The following ZNF44 variants were observed in gnomAD, a reference collection of about 807,000 sequenced individuals.
ZNF44 encodes the protein gonadotropin inducible transcription repressor-2.
In ZNF44, 9 loss-of-function variants were observed where a neutral mutation model predicts 11.7. The ratio of observed to expected loss-of-function variants is 0.77; its 90% confidence interval spans 0.46 to 1.35. The LOEUF (loss-of-function observed/expected upper bound fraction) is 1.35. Among genes scored for constraint, ZNF44 ranks in the 40% most tolerant of loss-of-function variants. The pLI is 0.00. For missense variants in ZNF44, 696 were observed against 743.1 expected (o/e 0.94, Z 0.74); for synonymous variants, 224 against 242.7 (o/e 0.92, Z 0.72).
chr19:12,287,415 C>T (rs555890950), intron 1 of ZNF44, among the ~76,000 whole-genome samples: 4 of 152,002 alleles, frequency 2.6e-5, no homozygotes, highest in Non-Finnish European at 5.9e-5. Context: ...GGGGTTTCAC[C>T]GCATTAGCCA....
At chr19:12,290,926 A>C (rs1325984205) in intron 1 of ZNF44, 1 of 182,616 alleles carries the variant, frequency 5.5e-6, no homozygotes, top group Middle Eastern at 2.3e-3. Context: ...TTACCCTTTC[A>C]TGCCTTACGT....
upstream of ZNF44, among the ~76,000 whole-genome samples, chr19:12,238,698 A>C (rs1415579507): frequency 6.6e-6 from 1 of 151,544 alleles, no homozygotes; most frequent in African/African-American, 2.4e-5. Flanking sequence ...CAGGAGGTCG[A>C]GGCAGGACAA....
At chr19:12,270,356 G>GT (rs1027988863), downstream of ZNF44, among the ~76,000 whole-genome samples, 1 of 151,972 alleles carries the variant, frequency 6.6e-6, no homozygotes, top group Non-Finnish European at 1.5e-5. Flanking sequence ...ATGAAAAAGT[G>GT]TAAGTGATGT....
chr19:12,227,734 C>G (rs780692122), intron 3 of ZNF44, among the ~76,000 whole-genome samples: 3 of 152,212 alleles, frequency 2.0e-5, no homozygotes, highest in Admixed American at 1.3e-4. Flanking sequence ...TAAGATATGT[C>G]AGAATTATAG....
intron 2 of ZNF44, chr19:12,230,651 T>G (rs1048945836): frequency 2.0e-5 from 3 of 152,206 alleles, no homozygotes; most frequent in Non-Finnish European, 4.4e-5. Flanking sequence ...GCTTCCTGGG[T>G]TGCAGGAGAG....
intron 2 of ZNF44, 136 bp downstream of exon 2, chr19:12,275,820 G>A (rs1404268517): frequency 8.8e-7 from 1 of 1,133,500 alleles, no homozygotes; most frequent in African/African-American, 1.6e-5. Flanking sequence ...ACAACAGGTT[G>A]GGGCCTGGCA....
chr19:12,240,139 A>G (rs943825663), upstream of ZNF44, among the ~76,000 whole-genome samples: 3 of 152,096 alleles, frequency 2.0e-5, no homozygotes, highest in African/African-American at 7.2e-5. Flanking sequence ...ACCCCTATCA[A>G]AATCCTTATG....
intron 3 of ZNF44, among the ~76,000 whole-genome samples, chr19:12,228,322 A>G (rs574114112): frequency 5.3e-5 from 8 of 152,278 alleles, no homozygotes; most frequent in Admixed American, 2.6e-4. Context: ...AGTAAAGTTT[A>G]CTTTTGTTGA....
chr19:12,242,776 G>C (rs75653778), downstream of ZNF44: 6,920 of 151,862 alleles, frequency 0.046, 266 homozygotes, highest in Admixed American at 0.12. Flanking sequence ...CATTTGCTTG[G>C]GAGGCAGCAG....
chr19:12,241,417 C>T (rs1417817051), upstream of ZNF44, among the ~76,000 whole-genome samples: 1 of 152,158 alleles, frequency 6.6e-6, no homozygotes, highest in African/African-American at 2.4e-5. Context: ...AGGCCAGGCA[C>T]GGTGGCTCAC....
At chr19:12,280,136 T>C (rs982362310) in intron 1 of ZNF44, among the ~76,000 whole-genome samples, 2 of 152,078 alleles carry the variant, frequency 1.3e-5, no homozygotes, top group Non-Finnish European at 2.9e-5. Context: ...GGACAATTGC[T>C]TGAACCCAGG....
At chr19:12,284,008 G>A (rs568081326) in intron 1 of ZNF44, among the ~76,000 whole-genome samples, 1 of 152,096 alleles carries the variant, frequency 6.6e-6, no homozygotes, top group Non-Finnish European at 1.5e-5. Flanking sequence ...AATTTAGGAA[G>A]AGTTCATCTA....
At chr19:12,240,238 G>A (rs955354914), upstream of ZNF44, among the ~76,000 whole-genome samples, 1 of 151,916 alleles carries the variant, frequency 6.6e-6, no homozygotes, top group African/African-American at 2.4e-5. Context: ...GAGGTCAAGA[G>A]TTCAAGACCA....
chr19:12,244,491 A>G (rs1274595015), downstream of ZNF44: 1 of 152,566 alleles, frequency 6.6e-6, no homozygotes, highest in African/African-American at 2.4e-5. Context: ...ATTATACCAC[A>G]GGAAATACTT....
In ZNF44 at chr19:12,273,797, C is replaced by T. The variant is rs372299239; in HGVS notation, c.458G>A (p.Arg153His). The change falls in exon 4 of 4, where the codon CGC (arginine) becomes CAC (histidine). Residue 153 changes from arginine to histidine, a missense_variant. Transcript: ENST00000355684. ...HKQCGKGLSY[R>H]HSFQTCERPH... is the part of the protein sequence containing the mutation. ...CCTTTCACATGTTTGAAAGGAGTGG[C>T]GATAACTTAAGCCTTTCCCACACTG... The T allele has an allele frequency of 1.7e-5, 28 of 1,613,888 alleles. No homozygotes were observed. Among genetic ancestry groups the T allele is most frequent in the African/African-American group, 1.2e-4 (9 of 74,886 alleles).
chr19:12,267,388 G>A (rs183819915), downstream of ZNF44, among the ~76,000 whole-genome samples: 593 of 152,242 alleles, frequency 3.9e-3, 2 homozygotes, highest in African/African-American at 0.014. Flanking sequence ...ACCAACAAGG[G>A]AATACAGTTA....
intron 1 of ZNF44, among the ~76,000 whole-genome samples, chr19:12,288,984 C>T (rs1046483752): frequency 1.3e-5 from 2 of 151,536 alleles, no homozygotes; most frequent in South Asian, 2.1e-4. Flanking sequence ...TTTGCCTCTA[C>T]TGATTACTCT....
intron 1 of ZNF44, among the ~76,000 whole-genome samples, chr19:12,285,938 G>T (rs1967721593): frequency 6.6e-6 from 1 of 150,998 alleles, no homozygotes; most frequent in Non-Finnish European, 1.5e-5. Context: ...AGAATGGCGT[G>T]AACCCGGGGG....
intron 1 of ZNF44, among the ~76,000 whole-genome samples, chr19:12,286,413 A>G (rs1357042738): frequency 6.6e-6 from 1 of 151,988 alleles, no homozygotes; most frequent in East Asian, 1.9e-4. Flanking sequence ...AGGTGGGTGG[A>G]TCACAAAGTC....
Sources: allele counts gnomAD v4.1 joint callset (sites outside exome capture counted in the v4.1 genomes callset), GRCh38; gene constraint gnomAD v4.1.1; transcripts MANE v1.5; gene names NCBI Gene and HGNC (gene_info 2026-07-23, HGNC 2026-07-21).